Variants in CAGE1 observed in about 807,000 individuals in gnomAD.
The protein encoded by CAGE1 is cancer antigen 1, also known as cancer-associated gene 1 protein.
CAGE1 carries 66 observed loss-of-function variants against 94.9 expected under a neutral mutation model. That is an observed-to-expected ratio of 0.70 (90% confidence interval 0.57 to 0.85). The LOEUF (loss-of-function observed/expected upper bound fraction) is 0.85, where lower values mean the gene tolerates loss of function less well. CAGE1 is among the 40% of genes least tolerant of loss of function. The probability of loss-of-function intolerance (pLI) is 0.00; values close to 1 mark genes in which losing one functional copy is unlikely to be tolerated. For missense variants in CAGE1, 865 were observed against 950.4 expected, an observed-to-expected ratio of 0.91 and a Z score of 1.18; for synonymous variants, 319 against 321.0, an observed-to-expected ratio of 0.99 and a Z score of 0.07.
chr6:7,346,861 AAAAAAAAAAG>A (rs1403326688), intron 11 of CAGE1, among the ~76,000 whole-genome samples: 1 of 84,964 alleles, frequency 1.2e-5, no homozygotes, highest in Non-Finnish European at 2.0e-5. Context: ...CTATCTCAAA[AAAAAAAAAAG>A]AAGAAAGAAA....
intron 11 of CAGE1, among the ~76,000 whole-genome samples, chr6:7,343,539 G>T (rs1483203131): frequency 1.3e-5 from 2 of 152,158 alleles, no homozygotes; most frequent in Non-Finnish European, 2.9e-5. Flanking sequence ...GCTTCATGTG[G>T]GTAGAAATAA....
At chr6:7,341,074 C>A (rs1339538930) in intron 11 of CAGE1, 2 of 521,546 alleles carry the variant, frequency 3.8e-6, no homozygotes, top group Non-Finnish European at 3.8e-6. Context: ...GCCAGAGCTG[C>A]AGCTGTGAAA....
intron 8 of CAGE1, 100 bp downstream of exon 8, chr6:7,365,704 T>A (rs1172774337): frequency 3.0e-6 from 4 of 1,340,144 alleles, no homozygotes; most frequent in Non-Finnish European, 4.2e-6. Flanking sequence ...GTGCAGAACT[T>A]AGAACTAGAA....
rs773936241 is a variant in CAGE1 at position 7,373,435 on chromosome 6, G to A, written c.1384C>T (p.Leu462=). The A allele has an allele frequency of 6.2e-7, 1 of 1,613,760 alleles. No homozygotes were observed. The highest frequency in any genetic ancestry group is 2.2e-5 in the East Asian group (1 of 44,860). The change falls in exon 5 of 14, where the codon CTG becomes TTG. Residue 462 remains leucine (L), a synonymous_variant. Coordinates refer to ENST00000502583, the MANE Select transcript of CAGE1 (RefSeq NM_001170692.2). The stretch of plus-strand genomic sequence containing the variant: ...AAAGCAGAAGCTGTGGCCTTTTCCA[G>A]TTCTTTTTTGAGTTGTTGTAGTCTC... ...VERLQQLKKE[L]EKATASALDL... is the part of the protein sequence containing the mutation.
intron 6 of CAGE1, among the ~76,000 whole-genome samples, chr6:7,369,017 T>A (rs918935362): frequency 3.3e-5 from 5 of 151,448 alleles, no homozygotes; most frequent in African/African-American, 1.2e-4. Flanking sequence ...TTAATTTTTT[T>A]TTTTTTTTTG....
intron 11 of CAGE1, among the ~76,000 whole-genome samples, chr6:7,334,639 G>T (rs1030150363): frequency 6.7e-5 from 10 of 149,634 alleles, no homozygotes; most frequent in African/African-American, 2.2e-4. Flanking sequence ...GAGCTGGGAG[G>T]ATTGCTTGAG....
chr6:7,389,718 T>C lies in CAGE1; in HGVS notation c.-540A>G, dbSNP rs976353596. On this transcript the variant is annotated 5_prime_UTR_variant, in exon 1 of 14. Transcript: ENST00000502583. ...AGAGCACAGAACATCCACAGCCCTA[T>C]ACAGCGCGCCATCCAGAGAGCTCCG... The C allele has an allele frequency of 5.3e-5, 29 of 548,402 alleles. No homozygotes were observed. Among genetic ancestry groups the C allele is most frequent in the East Asian group, 2.8e-4 (9 of 31,984 alleles). 34.0% of individuals were successfully genotyped at this position (548,402 alleles called of 1,614,324 possible).
intron 11 of CAGE1, among the ~76,000 whole-genome samples, chr6:7,352,306 C>CAA (rs796943772): frequency 0.22 from 22,718 of 103,770 alleles, 2,127 homozygotes; most frequent in African/African-American, 0.24. Context: ...AAAAAAAAAA[C>CAA]AAAAAAAAAC....
intron 3 of CAGE1, among the ~76,000 whole-genome samples, chr6:7,384,523 T>G (rs1459849083): frequency 6.6e-6 from 1 of 152,050 alleles, no homozygotes. Flanking sequence ...TCCCAACACT[T>G]TGGGACACCG....
chr6:7,341,136 C>T (rs1473146839), intron 11 of CAGE1: 3 of 563,698 alleles, frequency 5.3e-6, no homozygotes, highest in Non-Finnish European at 1.0e-5. Context: ...GAGCTTCCCA[C>T]AGCCGGTAGT....
chr6:7,365,447 G>A (rs1554138719), intron 9 of CAGE1, 21 bp downstream of exon 9: 1 of 1,590,454 alleles, frequency 6.3e-7, no homozygotes, highest in Non-Finnish European at 8.6e-7. Context: ...TAATAGCAAG[G>A]TAAAAAAAGG....
intron 5 of CAGE1, among the ~76,000 whole-genome samples, chr6:7,372,776 C>G (rs981121482): frequency 1.3e-5 from 2 of 152,074 alleles, no homozygotes; most frequent in Admixed American, 1.3e-4. Context: ...TCAAGTAATT[C>G]CCCCATCTCA....
intron 9 of CAGE1, among the ~76,000 whole-genome samples, chr6:7,360,714 C>G (rs541430001): frequency 1.3e-5 from 2 of 152,056 alleles, no homozygotes; most frequent in Admixed American, 1.3e-4. Flanking sequence ...GAGGCCAAGG[C>G]GGGTGAATCA....
At chr6:7,330,544 T>C (rs1758708794) in intron 12 of CAGE1, among the ~76,000 whole-genome samples, 1 of 152,228 alleles carries the variant, frequency 6.6e-6, no homozygotes, top group Non-Finnish European at 1.5e-5. Flanking sequence ...CATCTGAGGC[T>C]ATTCAGATAC....
intron 3 of CAGE1, among the ~76,000 whole-genome samples, chr6:7,385,336 C>T (rs1365730179): frequency 6.6e-6 from 1 of 151,798 alleles, no homozygotes; most frequent in Non-Finnish European, 1.5e-5. Context: ...ACAGGTTCTC[C>T]TTCTGTTGCC....
chr6:7,383,426 A>G (rs568282036), intron 3 of CAGE1, among the ~76,000 whole-genome samples: 12 of 152,310 alleles, frequency 7.9e-5, no homozygotes, highest in African/African-American at 2.9e-4. Context: ...CTGCATTGAG[A>G]GAGCCAACTG....
Position 7,387,179 on chromosome 6 carries a change from T to G in CAGE1, c.-6A>C. 6.5e-7 allele frequency: 1 copy of G among 1,544,388 alleles called. No homozygotes were observed. ...TTTTGATAGTCCTTGTTCATAACTG[T>G]TGAACAATAGAAGACTTCTTTAAAA... On this transcript the variant is annotated 5_prime_UTR_variant, in exon 2 of 14. Coordinates refer to ENST00000502583, the MANE Select transcript of CAGE1 (RefSeq NM_001170692.2).
intron 1 of CAGE1, 113 bp downstream of exon 1, chr6:7,389,089 C>T: frequency 5.4e-5 from 18 of 331,960 alleles, no homozygotes; most frequent in South Asian, 1.2e-4. Flanking sequence ...ATAGATGTTC[C>T]AGAGACATTC....
chr6:7,356,041 C>A lies in CAGE1; in HGVS notation c.2282G>T (p.Gly761Val). 6.5e-7 allele frequency: 1 copy of A among 1,539,448 alleles called. No homozygotes were observed. The highest frequency in any genetic ancestry group is 8.8e-7 in the Non-Finnish European group (1 of 1,136,102). Reference sequence around the variant, plus strand: ...AATGTCTACCTTCTTTATTAAGTTGCCTAAATGTCTTTGATACTTGTCATT... The same window carrying A: ...AATGTCTACCTTCTTTATTAAGTTGACTAAATGTCTTTGATACTTGTCATT... ...EENDKYQRHL[G>V]NLIKKVTSYE... The change falls in exon 10 of 14, where the codon GGC becomes GTC. Residue 761 changes from glycine to valine, a missense_variant. Gly to Val is a moderately radical substitution (Grantham distance 109). Transcript: ENST00000502583.
Sources: gnomAD v4.1 joint callset for allele counts (sites outside exome capture counted in the v4.1 genomes callset) on GRCh38, gnomAD v4.1.1 for gene constraint, MANE v1.5 for transcripts, NCBI Gene and HGNC (gene_info 2026-07-23, HGNC 2026-07-21) for gene names.